Variants in KRT8 observed in about 807,000 individuals in gnomAD.
KRT8 encodes keratin 8, also known as keratin, type II cytoskeletal 8.
A neutral mutation model predicts 43.0 loss-of-function variants in KRT8; 24 were observed. That is an observed-to-expected ratio of 0.56 (90% CI 0.40 to 0.78). KRT8 has a LOEUF of 0.78. Ranked by LOEUF, KRT8 falls within the 30% of genes least tolerant of loss-of-function variation. The probability of loss-of-function intolerance (pLI) is 0.00; values close to 1 mark genes in which losing one functional copy is unlikely to be tolerated. For synonymous variants in KRT8, 214 were observed against 261.2 expected (o/e 0.82, Z 1.74); for missense variants, 492 against 638.4 (o/e 0.77, Z 2.47).
chr12:52,945,344 A>AC, intron 2 of KRT8, among the ~76,000 whole-genome samples: 1 of 152,154 alleles, frequency 6.6e-6, no homozygotes, highest in South Asian at 2.1e-4. Flanking sequence ...CACTGTCTCC[A>AC]ACACACTGGA....
chr12:52,929,169 C>CTCCT (rs1449267077), intron 2 of KRT8, among the ~76,000 whole-genome samples: 2 of 148,816 alleles, frequency 1.3e-5, no homozygotes, highest in East Asian at 4.0e-4. Flanking sequence ...CTGACCACTC[C>CTCCT]TCCTTCCTTC....
At chr12:52,929,348 C>A (rs1476238593) in intron 2 of KRT8, among the ~76,000 whole-genome samples, 1 of 152,100 alleles carries the variant, frequency 6.6e-6, no homozygotes, top group Non-Finnish European at 1.5e-5. Flanking sequence ...CCCACCACCA[C>A]GCCCAGCTGA....
chr12:52,925,576 G>A (rs1248107973), intron 2 of KRT8, among the ~76,000 whole-genome samples: 1 of 152,156 alleles, frequency 6.6e-6, no homozygotes, highest in Non-Finnish European at 1.5e-5. Context: ...GGAGCAAAAG[G>A]GATCTCTTTG....
chr12:52,919,361 G>T (rs757037445), intron 2 of KRT8, among the ~76,000 whole-genome samples: 4 of 152,090 alleles, frequency 2.6e-5, no homozygotes, highest in Non-Finnish European at 4.4e-5. Flanking sequence ...TCGCTTCCCG[G>T]GTTCAAGCAA....
intron 2 of KRT8, chr12:52,947,824 T>C (rs1186937297): frequency 2.0e-5 from 3 of 151,298 alleles, no homozygotes; most frequent in Non-Finnish European, 4.4e-5. Context: ...GTGCTTGGAT[T>C]ACAGGCATGA....
At chr12:52,898,585 C>T in intron 6 of KRT8, 66 bp from the exon 7 acceptor site, 2 of 1,611,830 alleles carry the variant, frequency 1.2e-6, no homozygotes, top group South Asian at 2.2e-5. Context: ...ACAACAGGAC[C>T]CCAAGTCCCA....
chr12:52,911,465 TG>T (rs766551188), upstream of KRT8, among the ~76,000 whole-genome samples: 41 of 152,216 alleles, frequency 2.7e-4, no homozygotes, highest in Non-Finnish European at 3.1e-4. Flanking sequence ...AAGTCCCTAA[TG>T]GCCTTTACTG....
intron 2 of KRT8, among the ~76,000 whole-genome samples, chr12:52,922,611 T>C (rs1420866045): frequency 6.6e-6 from 1 of 152,216 alleles, no homozygotes; most frequent in African/African-American, 2.4e-5. Context: ...AGGCAGACTT[T>C]GCAGTGAGCT....
At chr12:52,949,730 C>T in exon 1 of KRT8, 1 of 786,872 alleles carries the variant, frequency 1.3e-6, no homozygotes, top group Non-Finnish European at 2.2e-6. Flanking sequence ...TTTCCATCCG[C>T]GCACCTAGCC....
intron 2 of KRT8, among the ~76,000 whole-genome samples, chr12:52,932,303 G>T (rs146858102): frequency 6.6e-6 from 1 of 151,750 alleles, no homozygotes. Context: ...TGGCTAGGCT[G>T]GTCTTGAACT....
intron 2 of KRT8, among the ~76,000 whole-genome samples, chr12:52,923,248 T>A (rs1231846859): frequency 1.3e-5 from 2 of 152,228 alleles, no homozygotes; most frequent in South Asian, 2.1e-4. Flanking sequence ...CCTAGAAGAA[T>A]GTGCAGTAGC....
At chr12:52,922,556 C>G (rs538434552) in intron 2 of KRT8, among the ~76,000 whole-genome samples, 16 of 152,312 alleles carry the variant, frequency 1.1e-4, no homozygotes, top group African/African-American at 2.9e-4. Context: ...GCCTGTAATT[C>G]CAGCTACTCG....
At chr12:52,901,001 T>C in intron 3 of KRT8, 158 bp downstream of exon 3, 1 of 743,948 alleles carries the variant, frequency 1.3e-6, no homozygotes, top group Non-Finnish European at 2.5e-6. Context: ...CACCTACCAC[T>C]CCATCCTTGT....
chr12:52,900,369 C>T (rs1466747714), intron 4 of KRT8, among the ~76,000 whole-genome samples: 2 of 152,190 alleles, frequency 1.3e-5, no homozygotes, highest in African/African-American at 4.8e-5. Context: ...CCCACTTTCT[C>T]GTCTGTGAAA....
intron 2 of KRT8, among the ~76,000 whole-genome samples, chr12:52,938,254 T>C (rs1942211805): frequency 1.4e-5 from 2 of 145,940 alleles, no homozygotes; most frequent in Admixed American, 7.0e-5. Context: ...CTGCAACCTC[T>C]GCCTCCTGGG....
intron 2 of KRT8, among the ~76,000 whole-genome samples, chr12:52,914,626 C>G (rs902820948): frequency 6.6e-6 from 1 of 152,174 alleles, no homozygotes; most frequent in Non-Finnish European, 1.5e-5. Flanking sequence ...GGTGTGAGCC[C>G]CAGCTCCCAG....
upstream of KRT8, among the ~76,000 whole-genome samples, chr12:52,911,334 AGAGT>A (rs373388297): frequency 2.0e-3 from 306 of 150,182 alleles, 3 homozygotes; most frequent in African/African-American, 6.9e-3. Context: ...CCTGGGTGAC[AGAGT>A]GAGACTCCGT....
At chr12:52,949,377 C>T (rs769987846) in intron 2 of KRT8, 2 of 1,610,736 alleles carry the variant, frequency 1.2e-6, no homozygotes, top group Non-Finnish European at 1.7e-6. Flanking sequence ...CCGGGATAGC[C>T]GGGGGTCTGG....
At chr12:52,938,170 A>ATATACATATATATATATATT (rs1555189967) in intron 2 of KRT8, among the ~76,000 whole-genome samples, 1 of 30,322 alleles carries the variant, frequency 3.3e-5, no homozygotes, top group African/African-American at 1.4e-4. Context: ...ATATATATAT[A>ATATACATATATATATATATT]TTTTTTTTTT....
Sources: allele counts gnomAD v4.1 joint callset (sites outside exome capture counted in the v4.1 genomes callset), GRCh38; gene constraint gnomAD v4.1.1; transcripts MANE v1.5; gene names NCBI Gene and HGNC (gene_info 2026-07-23, HGNC 2026-07-21).